MCTP2: variants seen among roughly 807,000 people sequenced by gnomAD.
The protein encoded by MCTP2 is multiple C2 and transmembrane domain-containing protein 2.
Under a neutral mutation model 111.6 loss-of-function variants are expected in MCTP2, and 132 were observed. That is an observed-to-expected ratio of 1.18 (90% CI 1.03 to 1.37). MCTP2 has a LOEUF of 1.37. MCTP2 is among the 40% of genes most tolerant of loss of function. MCTP2 has a pLI of 0.00. For missense variants in MCTP2, 1,183 were observed against 1,067.9 expected (o/e 1.11, Z -1.50); for synonymous variants, 395 against 387.7 (o/e 1.02, Z -0.22).
intron 1 of MCTP2, among the ~76,000 whole-genome samples, chr15:94,241,729 T>C (rs2070975383): frequency 6.6e-6 from 1 of 152,062 alleles, no homozygotes; most frequent in African/African-American, 2.4e-5. Context: ...TTGAGCTAAG[T>C]CACTTTTTAT....
intron 13 of MCTP2, among the ~76,000 whole-genome samples, 187 bp downstream of exon 13, chr15:94,384,311 G>A (rs190687622): frequency 2.4e-4 from 37 of 152,268 alleles, no homozygotes; most frequent in African/African-American, 8.2e-4. Context: ...ATTTGGAACT[G>A]CAAGGGACTT....
At chr15:94,319,788 A>G (rs1442920187) in intron 4 of MCTP2, among the ~76,000 whole-genome samples, 1 of 152,220 alleles carries the variant, frequency 6.6e-6, no homozygotes, top group Non-Finnish European at 1.5e-5. Context: ...TTTAGTATTA[A>G]CCCAATTAAA....
Position 94,314,358 on chromosome 15 carries a change from C to T in MCTP2, c.528+14C>T, listed in dbSNP as rs1335649620. The T allele has an allele frequency of 1.5e-5, 24 of 1,573,948 alleles. No homozygotes were observed. The highest frequency in any genetic ancestry group is 2.0e-5 in the Non-Finnish European group (23 of 1,150,574). The stretch of plus-strand genomic sequence containing the variant: ...GAAGAACAATCTGTGAGTGGCATTC[C>T]TTAAAAAGAAACATTAAATGTTGTA... On this transcript the variant is annotated intron_variant, in intron 3 of 22. Transcript: ENST00000357742.
chr15:94,353,042 G>C (rs1191767411), intron 8 of MCTP2, among the ~76,000 whole-genome samples: 1 of 152,180 alleles, frequency 6.6e-6, no homozygotes, highest in Non-Finnish European at 1.5e-5. Flanking sequence ...TAGAATAAAG[G>C]TCTTGTGTTC....
chr15:94,260,165 G>T (rs901034199), intron 1 of MCTP2, among the ~76,000 whole-genome samples: 2 of 152,126 alleles, frequency 1.3e-5, no homozygotes, highest in Non-Finnish European at 1.5e-5. Context: ...CTTTCCTGGG[G>T]ATTCTGGCCA....
intron 22 of MCTP2, among the ~76,000 whole-genome samples, chr15:94,478,755 C>A (rs1237143286): frequency 3.9e-5 from 6 of 152,184 alleles, no homozygotes. Flanking sequence ...TTAGAAAAAT[C>A]TGCTTTTAAT....
chr15:94,396,964 C>T (rs1437448102), intron 14 of MCTP2, among the ~76,000 whole-genome samples: 1 of 152,082 alleles, frequency 6.6e-6, no homozygotes, highest in African/African-American at 2.4e-5. Flanking sequence ...ATTTGTCTGT[C>T]AAGACTATTT....
rs1187913420 is a variant in MCTP2 at position 94,325,607 on chromosome 15, T to G, written c.637+9970T>G. Among the ~76,000 whole-genome samples, 4 of 152,106 alleles carry G rather than the reference T, an allele frequency of 2.6e-5. 1 individual carries two copies. The highest frequency in any genetic ancestry group is 5.9e-5 in the Non-Finnish European group (4 of 68,018). The stretch of plus-strand genomic sequence containing the variant: ...TGAAAGGTGTTTTCTTGAGGTCAGG[T>G]CTTATTTTCTGTGAAACAGGAGAAA... On this transcript the variant is annotated intron_variant, in intron 4 of 22. Coordinates refer to ENST00000357742, the MANE Select transcript of MCTP2 (RefSeq NM_001385001.1).
At chr15:94,424,823 G>A (rs2082800972) in intron 17 of MCTP2, among the ~76,000 whole-genome samples, 1 of 152,082 alleles carries the variant, frequency 6.6e-6, no homozygotes, top group Non-Finnish European at 1.5e-5. Flanking sequence ...CGTTTCATAT[G>A]GTTGGGGGCA....
At chr15:94,392,657 T>C in intron 14 of MCTP2, among the ~76,000 whole-genome samples, 1 of 150,582 alleles carries the variant, frequency 6.6e-6, no homozygotes, top group East Asian at 2.0e-4. Context: ...CTACTAAGAA[T>C]GCAAAAAAAT....
Position 94,458,136 on chromosome 15 carries a change from G to A in MCTP2, c.2251-1G>A. On this transcript the variant is annotated splice_acceptor_variant, in intron 19 of 22. Coordinates refer to ENST00000357742, the MANE Select transcript of MCTP2 (RefSeq NM_001385001.1). LOFTEE classifies it high-confidence loss of function. Reference sequence around the variant, plus strand: ...TTAAATCTTGCTTTTATGTTTTCTAGGAATCTGAGAAAAAGGGGTTGATTG... The same window carrying A: ...TTAAATCTTGCTTTTATGTTTTCTAAGAATCTGAGAAAAAGGGGTTGATTG... 1.3e-6 allele frequency: 2 copies of A among 1,563,606 alleles called. No homozygotes were observed. Among genetic ancestry groups the A allele is most frequent in the South Asian group, 2.2e-5 (2 of 89,766 alleles).
intron 17 of MCTP2, among the ~76,000 whole-genome samples, chr15:94,439,752 A>G (rs150148527): frequency 3.9e-5 from 6 of 152,310 alleles, no homozygotes; most frequent in African/African-American, 1.4e-4. Flanking sequence ...AAAGTTTGGA[A>G]ATCCAAAGTC....
intron 1 of MCTP2, among the ~76,000 whole-genome samples, chr15:94,245,214 A>G (rs1567263135): frequency 7.1e-6 from 1 of 140,906 alleles, no homozygotes; most frequent in Non-Finnish European, 1.6e-5. Context: ...ATTTATACAT[A>G]TGTGTATATA....
chr15:94,243,532 C>G (rs1485350871), intron 1 of MCTP2, among the ~76,000 whole-genome samples: 2 of 130,420 alleles, frequency 1.5e-5, no homozygotes, highest in African/African-American at 5.5e-5. Flanking sequence ...TACACACATA[C>G]GTATGCGTGC....
rs144152171 is a variant in MCTP2 at position 94,472,110 on chromosome 15, G to A, written c.2470+1668G>A. Among the ~76,000 whole-genome samples the A allele has an allele frequency of 6.4e-3, 980 of 152,350 alleles. 6 individuals carry two copies. Among genetic ancestry groups the A allele is most frequent in the Non-Finnish European group, 0.01 (688 of 68,030 alleles). On this transcript the variant is annotated intron_variant, in intron 21 of 22. Transcript: ENST00000357742. ...AGACTAATACTGGCTGGGTGCAGTG[G>A]CTCACGCCTGTAATCCCAGCACTTT...
chr15:94,281,360 G>A (rs2074476485), intron 1 of MCTP2, among the ~76,000 whole-genome samples: 1 of 151,890 alleles, frequency 6.6e-6, no homozygotes, highest in South Asian at 2.1e-4. Flanking sequence ...ACTCTGTTTT[G>A]TCTGGAAAAA....
At chr15:94,309,258 C>G (rs1368156968) in intron 2 of MCTP2, among the ~76,000 whole-genome samples, 1 of 151,984 alleles carries the variant, frequency 6.6e-6, no homozygotes, top group Admixed American at 6.6e-5. Context: ...CTTCCTTTGT[C>G]CTCTATGTAT....
At chr15:94,347,596 A>G (rs998735162) in intron 8 of MCTP2, among the ~76,000 whole-genome samples, 1 of 152,188 alleles carries the variant, frequency 6.6e-6, no homozygotes, top group Non-Finnish European at 1.5e-5. Flanking sequence ...GCCTTTAAAA[A>G]TGGGCCTTCA....
At chr15:94,329,285 A>C (rs1715684653) in intron 4 of MCTP2, among the ~76,000 whole-genome samples, 1 of 152,140 alleles carries the variant, frequency 6.6e-6, no homozygotes, top group African/African-American at 2.4e-5. Flanking sequence ...TCATCCTTTA[A>C]AAAAAATTTT....
Sources: gnomAD v4.1 joint callset for allele counts (sites outside exome capture counted in the v4.1 genomes callset) on GRCh38, gnomAD v4.1.1 for gene constraint, MANE v1.5 for transcripts, NCBI Gene and HGNC (gene_info 2026-07-23, HGNC 2026-07-21) for gene names.